ZNF341: variants seen among roughly 807,000 people sequenced by gnomAD.
ZNF341 encodes zinc finger protein 341.
A neutral mutation model predicts 87.7 loss-of-function variants in ZNF341; 52 were observed. The ratio of observed to expected loss-of-function variants is 0.59; its 90% CI spans 0.47 to 0.75. The LOEUF (loss-of-function observed/expected upper bound fraction) is 0.75. Among genes scored for constraint, ZNF341 ranks in the 30% least tolerant of loss-of-function variants. ZNF341 has a pLI of 0.00. For synonymous variants in ZNF341, 459 were observed against 472.7 expected, an observed-to-expected ratio of 0.97 and a Z score of 0.38; for missense variants, 977 against 1,145.9, an observed-to-expected ratio of 0.85 and a Z score of 2.13.
chr20:33,789,179 G>A (rs6142020), intron 13 of ZNF341, among the ~76,000 whole-genome samples: 19,660 of 151,770 alleles, frequency 0.13, 1,840 homozygotes, highest in East Asian at 0.45. Flanking sequence ...GGGTTCAAGC[G>A]ATTCTCTTGC....
At chr20:33,733,051 C>G (rs1302847571) in intron 1 of ZNF341, among the ~76,000 whole-genome samples, 1 of 152,068 alleles carries the variant, frequency 6.6e-6, no homozygotes, top group Non-Finnish European at 1.5e-5. Flanking sequence ...ACTCCCTGCA[C>G]TTTTTAATTT....
chr20:33,744,739 G>A (rs1439038837), intron 2 of ZNF341, among the ~76,000 whole-genome samples: 8 of 151,968 alleles, frequency 5.3e-5, no homozygotes, highest in East Asian at 1.9e-4. Flanking sequence ...CTATAGGCGC[G>A]CACCACCATG....
intron 7 of ZNF341, among the ~76,000 whole-genome samples, chr20:33,761,059 A>G (rs2019279725): frequency 1.3e-5 from 2 of 152,046 alleles, no homozygotes; most frequent in Admixed American, 6.6e-5. Flanking sequence ...CAGTGGCATG[A>G]TCATAGCTCA....
chr20:33,761,326 G>A (rs760681237), intron 7 of ZNF341, among the ~76,000 whole-genome samples: 7 of 152,014 alleles, frequency 4.6e-5, no homozygotes, highest in East Asian at 1.9e-4. Flanking sequence ...GTGCAGTGGC[G>A]CAATCTTGGC....
chr20:33,783,128 T>A (rs1432233468), intron 11 of ZNF341, among the ~76,000 whole-genome samples: 1 of 151,948 alleles, frequency 6.6e-6, no homozygotes, highest in Non-Finnish European at 1.5e-5. Flanking sequence ...CACTCCAGCC[T>A]GGACAATATG....
At chr20:33,734,405 G>T (rs2018637733) in intron 1 of ZNF341, among the ~76,000 whole-genome samples, 1 of 152,212 alleles carries the variant, frequency 6.6e-6, no homozygotes, top group Admixed American at 6.5e-5. Context: ...GGGGGCCAGA[G>T]TGGCAGTGGG....
chr20:33,777,322 C>CAA (rs71192713), intron 10 of ZNF341, among the ~76,000 whole-genome samples: 904 of 32,626 alleles, frequency 0.028, 95 homozygotes, highest in East Asian at 0.055. Flanking sequence ...GACCCTATCT[C>CAA]AAAAAAAAAA....
rs745912791 is a variant in ZNF341 at position 33,770,330 on chromosome 20, G to T, written c.1622+38G>T. On this transcript the variant is annotated intron_variant, in intron 10 of 14. Coordinates refer to ENST00000375200, the MANE Select transcript of ZNF341 (RefSeq NM_001282933.2). Reference sequence around the variant, plus strand: ...TGCTTCCCTCTCCCTGGGTGGACGGGTGGGTGGGCAGGGAGCCCAGGGCCT... The same window carrying T: ...TGCTTCCCTCTCCCTGGGTGGACGGTTGGGTGGGCAGGGAGCCCAGGGCCT... 3 of 1,468,256 alleles carry T rather than the reference G, an allele frequency of 2.0e-6. No homozygotes were observed. In the Admixed American group the frequency reaches 5.1e-5, roughly 25 times the overall value. 91.0% of individuals were successfully genotyped at this position (1,468,256 alleles called of 1,614,324 possible).
intron 1 of ZNF341, among the ~76,000 whole-genome samples, chr20:33,734,397 G>A (rs892484605): frequency 1.3e-5 from 2 of 152,204 alleles, no homozygotes; most frequent in African/African-American, 4.8e-5. Context: ...AGACTGGAGG[G>A]GGCCAGAGTG....
intron 3 of ZNF341, 144 bp downstream of exon 3, chr20:33,745,443 T>G (rs2018898787): frequency 1.3e-6 from 1 of 797,790 alleles, no homozygotes; most frequent in South Asian, 1.9e-5. Flanking sequence ...ATGGTGCACA[T>G]GTACTGTTTT....
At chr20:33,755,751 C>T (rs1342012595) in intron 5 of ZNF341, among the ~76,000 whole-genome samples, 2 of 151,958 alleles carry the variant, frequency 1.3e-5, no homozygotes, top group Non-Finnish European at 2.9e-5. Flanking sequence ...CACCACCATG[C>T]CCATCTAATT....
chr20:33,756,368 C>CT (rs5841147), intron 5 of ZNF341, among the ~76,000 whole-genome samples: 338 of 137,076 alleles, frequency 2.5e-3, no homozygotes, highest in Non-Finnish European at 3.5e-3. Flanking sequence ...CTCTCTCTCT[C>CT]TTTTTTTTTT....
At chr20:33,762,535 T>C (rs906821868) in intron 8 of ZNF341, among the ~76,000 whole-genome samples, 5 of 151,464 alleles carry the variant, frequency 3.3e-5, no homozygotes, top group Non-Finnish European at 5.9e-5. Flanking sequence ...TTTTTATTTT[T>C]ACTTTAAGTT....
In ZNF341 at chr20:33,766,869, C is replaced by T. The variant is rs189215764; in HGVS notation, c.1241C>T (p.Pro414Leu). The change falls in exon 9 of 15, where the codon CCG (proline) becomes CTG (leucine). Residue 414 changes from proline to leucine, a missense_variant. This residue lies in a region of ZNF341 where 515 missense variants were observed against 598.2 expected (regional missense o/e 0.86). Coordinates refer to ENST00000375200, the MANE Select transcript of ZNF341 (RefSeq NM_001282933.2). ...TCCACAGGGTTGGGCCAGCCCCTGC[C>T]GGGTGCGCCACAGCCCCAGGCCTTG... ...EESTGLGQPL[P>L]GAPQPQALST... 1.2e-4 allele frequency: 195 copies of T among 1,611,784 alleles called. 1 individual carries two copies. The highest frequency in any genetic ancestry group is 1.7e-4 in the Middle Eastern group (1 of 6,046).
At chr20:33,768,340 C>T (rs2019453910) in intron 9 of ZNF341, among the ~76,000 whole-genome samples, 1 of 151,840 alleles carries the variant, frequency 6.6e-6, no homozygotes, top group South Asian at 2.1e-4. Flanking sequence ...CCAGGCTGGT[C>T]CCGAATTCCT....
chr20:33,754,936 G>A (rs552229291), intron 5 of ZNF341, among the ~76,000 whole-genome samples: 82 of 152,200 alleles, frequency 5.4e-4, no homozygotes, highest in African/African-American at 1.4e-3. Flanking sequence ...ATTTATTCAC[G>A]TGACAAGTAT....
Position 33,791,244 on chromosome 20 carries a change from G to A in ZNF341, c.2292G>A (p.Leu764=), listed in dbSNP as rs1287961313. The A allele has an allele frequency of 1.9e-6, 3 of 1,611,924 alleles. No individual in the cohort carries two copies. The highest frequency in any genetic ancestry group is 2.5e-6 in the Non-Finnish European group (3 of 1,179,572). The change falls in exon 15 of 15, where the codon CTG becomes CTA. Residue 764 remains leucine, a synonymous_variant. Coordinates refer to ENST00000375200, the MANE Select transcript of ZNF341 (RefSeq NM_001282933.2). ...GCGGCAGTGGTGGGCGCAAGGTGCT[G>A]ACCCCCTTGCCTGACCCGCTGGGGC... ...RSCGSGGRKV[L]TPLPDPLGLE...
rs999434655 is a variant in ZNF341, at chr20:33,737,303, T to TTTTA, written c.32-3583_32-3580dup. Among the ~76,000 whole-genome samples, 7 of 152,096 alleles carry TTTTA rather than the reference T, an allele frequency of 4.6e-5. No individual in the cohort carries two copies. The East Asian group carries it at 1.4e-3, about 29-fold the overall frequency. ...AAAATTCAGAGACTAGGTTTTTTAT[T>TTTTA]TTTATTTATTTATTTATTTTTTATT... On this transcript the variant is annotated intron_variant, in intron 1 of 14. Transcript: ENST00000375200.
intron 8 of ZNF341, among the ~76,000 whole-genome samples, chr20:33,765,290 A>G (rs556690955): frequency 6.6e-6 from 1 of 152,148 alleles, no homozygotes; most frequent in African/African-American, 2.4e-5. Flanking sequence ...ATGTGTGACC[A>G]CTTTTATCTG....
Sources: allele counts gnomAD v4.1 joint callset (sites outside exome capture counted in the v4.1 genomes callset), GRCh38; gene constraint gnomAD v4.1.1; regional missense constraint gnomAD v4.1.1; transcripts MANE v1.5; gene names NCBI Gene and HGNC (gene_info 2026-07-23, HGNC 2026-07-21).